The following KCNB2 variants were observed in gnomAD, a reference collection of about 807,000 sequenced individuals.
The protein encoded by KCNB2 is potassium voltage-gated channel subfamily B member 2, also known as delayed rectifier potassium channel protein.
Under a neutral mutation model 61.5 loss-of-function variants are expected in KCNB2, and 15 were observed. The observed-to-expected ratio is 0.24, with a 90% CI of 0.16 to 0.38. The LOEUF (loss-of-function observed/expected upper bound fraction) is 0.38, where lower values mean the gene tolerates loss of function less well. Among genes scored for constraint, KCNB2 ranks in the 10% least tolerant of loss-of-function variants. The probability of loss-of-function intolerance (pLI) is 1.00; values close to 1 mark genes in which losing one functional copy is unlikely to be tolerated. For missense variants in KCNB2, 828 were observed against 1,125.2 expected (o/e 0.74, Z 3.78); for synonymous variants, 457 against 446.0 (o/e 1.02, Z -0.31).
At chr8:72,886,499 C>T (rs572388921) in intron 2 of KCNB2, among the ~76,000 whole-genome samples, 1 of 152,326 alleles carries the variant, frequency 6.6e-6, no homozygotes, top group South Asian at 2.1e-4. Flanking sequence ...GACATTCTGT[C>T]TCCCCCAAGG....
At chr8:72,855,573 T>C (rs912480356) in intron 2 of KCNB2, among the ~76,000 whole-genome samples, 2 of 152,224 alleles carry the variant, frequency 1.3e-5, no homozygotes, top group Non-Finnish European at 2.9e-5. Flanking sequence ...TTATTAAGCT[T>C]ATTCAATTAT....
intron 2 of KCNB2, chr8:72,749,201 C>T (rs1808140335): frequency 6.6e-6 from 1 of 152,146 alleles, no homozygotes; most frequent in Admixed American, 6.6e-5. Flanking sequence ...TTGCTGCAGC[C>T]TCCAACTCCT....
chr8:72,872,169 T>C (rs542921272), intron 2 of KCNB2, among the ~76,000 whole-genome samples: 32 of 152,028 alleles, frequency 2.1e-4, no homozygotes, highest in Non-Finnish European at 4.1e-4. Flanking sequence ...AAATAGAGAG[T>C]GACTTTGGAG....
chr8:72,919,612 A>G (rs1156730236), intron 2 of KCNB2, among the ~76,000 whole-genome samples: 1 of 152,226 alleles, frequency 6.6e-6, no homozygotes, highest in Non-Finnish European at 1.5e-5. Context: ...GCCACAGGCT[A>G]TGATGGAGTG....
At chr8:72,606,705 C>T (rs879111615) in intron 2 of KCNB2, among the ~76,000 whole-genome samples, 9 of 152,096 alleles carry the variant, frequency 5.9e-5, no homozygotes, top group Non-Finnish European at 1.3e-4. Context: ...ATGAATAGTC[C>T]GCCAGGATGG....
chr8:72,610,185 T>G (rs1050437075), intron 2 of KCNB2, among the ~76,000 whole-genome samples: 4 of 152,156 alleles, frequency 2.6e-5, no homozygotes, highest in African/African-American at 9.7e-5. Context: ...TAATGACTCT[T>G]AAAGCTCTCC....
intron 1 of KCNB2, among the ~76,000 whole-genome samples, chr8:72,551,234 T>G (rs750888989): frequency 6.6e-6 from 1 of 152,216 alleles, no homozygotes; most frequent in Non-Finnish European, 1.5e-5. Flanking sequence ...GTTGTTTGTT[T>G]ATTTTTTACA....
In KCNB2 at chr8:72,936,124, A is replaced by T; in HGVS notation, c.769A>T (p.Asn257Tyr). 1.2e-6 allele frequency: 2 copies of T among 1,614,162 alleles called. No individual in the cohort carries two copies. Among genetic ancestry groups the T allele is most frequent in the Non-Finnish European group, 1.7e-6 (2 of 1,180,020 alleles). ...EYLLRFLSSP[N>Y]KWKFFKGPLN... is the part of the protein sequence containing the mutation. ...CCTTTTGCGATTCTTATCCTCACCA[A>T]ATAAATGGAAGTTCTTCAAAGGCCC... is the stretch of plus-strand genomic sequence containing the variant. The change falls in exon 3 of 3, where the codon AAT (asparagine) becomes TAT (tyrosine). Residue 257 changes from asparagine (N) to tyrosine (Y), a missense_variant. Physicochemically the swap from Asn to Tyr is moderately radical, Grantham distance 143. Transcript: ENST00000523207. This position sits in a 1 kb window ranked among gnomAD's most constrained non-coding sequence, Gnocchi z 5.6.
At chr8:72,632,640 G>A (rs982947090) in intron 2 of KCNB2, among the ~76,000 whole-genome samples, 1 of 152,132 alleles carries the variant, frequency 6.6e-6, no homozygotes, top group South Asian at 2.1e-4. Context: ...ATAAATTATA[G>A]CATCATCATG....
At chr8:72,546,242 G>T (rs768419393) in intron 1 of KCNB2, among the ~76,000 whole-genome samples, 1 of 152,076 alleles carries the variant, frequency 6.6e-6, no homozygotes, top group East Asian at 1.9e-4. Flanking sequence ...TGGGCCGGGC[G>T]CAGTGGCTCA....
intron 2 of KCNB2, among the ~76,000 whole-genome samples, chr8:72,823,489 TTCAG>T (rs1465230479): frequency 6.6e-6 from 1 of 152,118 alleles, no homozygotes; most frequent in Non-Finnish European, 1.5e-5. Context: ...GTGATCTGAG[TTCAG>T]TCAAACTGGG....
At chr8:72,667,644 T>C (rs1080333) in intron 2 of KCNB2, among the ~76,000 whole-genome samples, 17,714 of 152,056 alleles carry the variant, frequency 0.12, 1,524 homozygotes, top group East Asian at 0.51. Flanking sequence ...AGATCTGCCA[T>C]GTCTCTTTAT....
rs558800834 is a variant in KCNB2 at position 72,673,263 on chromosome 8, G to A, written c.579+104950G>A. ...TTAAATTGTAGTTCCTATAATCCCC[G>A]CATGTCATGGGAGGGACCGGGTGGA... is the stretch of plus-strand genomic sequence containing the variant. On this transcript the variant is annotated intron_variant, in intron 2 of 2. Transcript: ENST00000523207. Among the ~76,000 whole-genome samples the A allele has an allele frequency of 3.2e-3, 493 of 152,228 alleles. 5 individuals are homozygous for A. Among genetic ancestry groups the A allele is most frequent in the African/African-American group, 0.011 (469 of 41,550 alleles).
At chr8:72,868,668 T>A (rs1238339182) in intron 2 of KCNB2, among the ~76,000 whole-genome samples, 5 of 152,176 alleles carry the variant, frequency 3.3e-5, no homozygotes, top group African/African-American at 1.2e-4. Context: ...AGTTTAATTG[T>A]CTACTTTAAG....
At chr8:72,652,351 G>A (rs1245051355) in intron 2 of KCNB2, among the ~76,000 whole-genome samples, 1 of 152,094 alleles carries the variant, frequency 6.6e-6, no homozygotes, top group Non-Finnish European at 1.5e-5. Flanking sequence ...AGCCCTGAGT[G>A]AGGCCACCAT....
chr8:72,938,334 C>T lies in KCNB2; in HGVS notation c.*243C>T, dbSNP rs1355919221. The T allele has an allele frequency of 2.3e-6, 1 of 429,326 alleles. No homozygotes were observed. Among genetic ancestry groups the T allele is most frequent in the Non-Finnish European group, 4.1e-6 (1 of 242,412 alleles). The allele number at this position is 429,326 out of a possible 1,614,324, so 26.6% of individuals were successfully genotyped here. ...AAGAACAGTGAACAAATAAAAAGAG[C>T]TCTATTAGGAACCAATATTCTGCAA... is the stretch of plus-strand genomic sequence containing the variant. On this transcript the variant is annotated 3_prime_UTR_variant, in exon 3 of 3. Transcript: ENST00000523207.
intron 1 of KCNB2, among the ~76,000 whole-genome samples, chr8:72,539,913 C>T (rs1056376738): frequency 1.3e-5 from 2 of 152,132 alleles, no homozygotes; most frequent in Non-Finnish European, 2.9e-5. Flanking sequence ...GCCTTTTTAA[C>T]ACTCACTATG....
intron 2 of KCNB2, among the ~76,000 whole-genome samples, chr8:72,813,385 G>C (rs957381521): frequency 1.3e-5 from 2 of 151,888 alleles, no homozygotes; most frequent in Non-Finnish European, 2.9e-5. Flanking sequence ...GCCCCTGGGA[G>C]ATATGAAACT....
rs537482328 is a variant in KCNB2 at position 72,662,932 on chromosome 8, CAT to C, written c.579+94621_579+94622del. ...TTGAATATGGTGAAATGTTTGATGACATAGAAGTCTTCAGAAAACTGATGATC... is the reference window on the plus strand; with the variant it reads ...TTGAATATGGTGAAATGTTTGATGACAGAAGTCTTCAGAAAACTGATGATC... On this transcript the variant is annotated intron_variant, in intron 2 of 2. Transcript: ENST00000523207. 5.3e-3 allele frequency among the ~76,000 whole-genome samples: 807 copies of C among 152,264 alleles called. 10 individuals carry two copies. Among genetic ancestry groups the C allele is most frequent in the Non-Finnish European group, 4.7e-3 (322 of 68,022 alleles).
Sources: gnomAD v4.1 joint callset for allele counts (sites outside exome capture counted in the v4.1 genomes callset) on GRCh38, gnomAD v4.1.1 for gene constraint, Gnocchi (gnomAD v3.1) non-coding constraint, MANE v1.5 for transcripts, NCBI Gene and HGNC (gene_info 2026-07-23, HGNC 2026-07-21) for gene names.